The following NALF1 variants were observed in gnomAD, a reference collection of about 807,000 sequenced individuals.
NALF1 encodes NALCN channel auxiliary factor 1.
NALF1 carries 3 observed loss-of-function variants against 48.4 expected under a neutral mutation model. The observed-to-expected ratio is 0.06, with a 90% CI of 0.03 to 0.16. NALF1 has a LOEUF of 0.16. NALF1 is among the 10% of genes least tolerant of loss of function. The pLI, the probability that NALF1 is intolerant of heterozygous loss-of-function variation, is 1.00. For missense variants in NALF1, 526 were observed against 571.5 expected (o/e 0.92, Z 0.81); for synonymous variants, 262 against 245.7 (o/e 1.07, Z -0.62).
intron 2 of NALF1, among the ~76,000 whole-genome samples, chr13:107,200,214 G>T (rs575535621): frequency 4.7e-4 from 71 of 152,290 alleles, no homozygotes; most frequent in African/African-American, 1.6e-3. Context: ...CCCCCTTGGG[G>T]GTCAGGGAGG....
intron 1 of NALF1, among the ~76,000 whole-genome samples, chr13:107,518,538 T>A (rs1566374472): frequency 6.6e-6 from 1 of 152,074 alleles, no homozygotes; most frequent in Non-Finnish European, 1.5e-5. Flanking sequence ...TTATTGGTTG[T>A]GTTATGTGTC....
intron 1 of NALF1, among the ~76,000 whole-genome samples, chr13:107,225,329 G>A (rs1242462419): frequency 1.3e-5 from 2 of 151,804 alleles, no homozygotes; most frequent in East Asian, 1.9e-4. Flanking sequence ...TTTATTTTTT[G>A]TTTTTGTTAT....
At chr13:107,587,868 TA>T (rs1294009621) in intron 1 of NALF1, among the ~76,000 whole-genome samples, 2 of 152,168 alleles carry the variant, frequency 1.3e-5, no homozygotes, top group Non-Finnish European at 2.9e-5. Context: ...GCATCCCTGC[TA>T]GACTGTAAAC....
intron 1 of NALF1, among the ~76,000 whole-genome samples, chr13:107,227,128 C>T (rs1226356980): frequency 6.6e-6 from 1 of 152,242 alleles, no homozygotes; most frequent in Non-Finnish European, 1.5e-5. Context: ...AATCCTTAGC[C>T]TAATGCAAGC....
At chr13:107,477,988 T>C (rs570901396) in intron 1 of NALF1, among the ~76,000 whole-genome samples, 1 of 147,974 alleles carries the variant, frequency 6.8e-6, no homozygotes, top group Admixed American at 6.7e-5. Context: ...AGAAAGTGTA[T>C]GATTTCTCCA....
chr13:107,390,654 T>C (rs1883610333), intron 1 of NALF1, among the ~76,000 whole-genome samples: 1 of 152,056 alleles, frequency 6.6e-6, no homozygotes, highest in South Asian at 2.1e-4. Flanking sequence ...TGAGGCAAAG[T>C]TGATTAATAG....
At chr13:107,569,344 T>C (rs562382224) in intron 1 of NALF1, among the ~76,000 whole-genome samples, 9 of 151,968 alleles carry the variant, frequency 5.9e-5, no homozygotes, top group East Asian at 5.8e-4. Flanking sequence ...TGGTGGTGGG[T>C]GCTTGTAGTC....
At chr13:107,587,182 T>G (rs987602582) in intron 1 of NALF1, among the ~76,000 whole-genome samples, 1 of 152,026 alleles carries the variant, frequency 6.6e-6, no homozygotes, top group Admixed American at 6.6e-5. Flanking sequence ...ATAGTAGGTG[T>G]AGGACAGTCA....
intron 1 of NALF1, among the ~76,000 whole-genome samples, chr13:107,798,154 C>T (rs748559200): frequency 3.9e-5 from 6 of 152,222 alleles, no homozygotes; most frequent in African/African-American, 4.8e-5. Flanking sequence ...GAATATGGGG[C>T]GCTACGGCAT....
chr13:107,443,169 AATCT>A (rs10564280), intron 1 of NALF1, among the ~76,000 whole-genome samples: 34,162 of 127,996 alleles, frequency 0.27, 4,228 homozygotes, highest in African/African-American at 0.3. Flanking sequence ...TTTATCTAAC[AATCT>A]ATCTATCTAT....
intron 1 of NALF1, among the ~76,000 whole-genome samples, chr13:107,317,924 T>C (rs7334790): frequency 0.36 from 54,082 of 151,824 alleles, 11,724 homozygotes; most frequent in South Asian, 0.56. Context: ...GAGTAGAGCA[T>C]TAAAATGTTA....
chr13:107,480,747 A>AT (rs1251984452), intron 1 of NALF1, among the ~76,000 whole-genome samples: 1 of 152,178 alleles, frequency 6.6e-6, no homozygotes, highest in East Asian at 1.9e-4. Context: ...GAACTGTTTT[A>AT]TTTTTTATTC....
At chr13:107,852,300 G>A (rs1880340211) in intron 1 of NALF1, among the ~76,000 whole-genome samples, 1 of 151,946 alleles carries the variant, frequency 6.6e-6, no homozygotes, top group Non-Finnish European at 1.5e-5. Flanking sequence ...TTTAAACTAG[G>A]TGCACTGTGG....
chr13:107,285,527 T>C (rs1881476380), intron 1 of NALF1, among the ~76,000 whole-genome samples: 1 of 152,208 alleles, frequency 6.6e-6, no homozygotes, highest in Admixed American at 6.5e-5. Flanking sequence ...TGTGTACACT[T>C]GTACACCATA....
At chr13:107,667,706 T>C (rs974365015) in intron 1 of NALF1, among the ~76,000 whole-genome samples, 2 of 152,090 alleles carry the variant, frequency 1.3e-5, no homozygotes, top group African/African-American at 4.8e-5. Flanking sequence ...AAAAAACGAA[T>C]GCCATCCATT....
chr13:107,266,360 T>C (rs1881038027), intron 1 of NALF1, among the ~76,000 whole-genome samples: 1 of 152,242 alleles, frequency 6.6e-6, no homozygotes, highest in Non-Finnish European at 1.5e-5. Context: ...ATAAGGTTGT[T>C]CATCACAGGT....
At chr13:107,191,584 C>G (rs763960794) in intron 2 of NALF1, among the ~76,000 whole-genome samples, 1 of 152,128 alleles carries the variant, frequency 6.6e-6, no homozygotes, top group Non-Finnish European at 1.5e-5. Context: ...AAGCCGGGGT[C>G]CTAGGAGCTT....
At position 107,851,602 on chromosome 13, in the gene NALF1, C is replaced by T. The variant is rs146686757; in HGVS notation, c.915+14080G>A. On this transcript the variant is annotated intron_variant, in intron 1 of 2. Coordinates refer to ENST00000375915, the MANE Select transcript of NALF1 (RefSeq NM_001080396.3). ...TTACTACATTTTAGAAGAGAAACGA[C>T]GACCCTTTCTTAAGCAAGGAGAAGG... Among the ~76,000 whole-genome samples, 21 of 152,066 alleles carry T rather than the reference C, an allele frequency of 1.4e-4. No individual in the cohort carries two copies. The East Asian group carries it at 3.5e-3, about 25-fold the overall frequency.
chr13:107,265,728 T>C (rs1881025913), intron 1 of NALF1, among the ~76,000 whole-genome samples: 1 of 152,122 alleles, frequency 6.6e-6, no homozygotes, highest in East Asian at 1.9e-4. Flanking sequence ...TGTTTTTTAA[T>C]GGAAACATAT....
Sources: gnomAD v4.1 joint callset for allele counts (sites outside exome capture counted in the v4.1 genomes callset) on GRCh38, gnomAD v4.1.1 for gene constraint, MANE v1.5 for transcripts, NCBI Gene and HGNC (gene_info 2026-07-23, HGNC 2026-07-21) for gene names.